SPG11: variants seen among roughly 807,000 people sequenced by gnomAD.
SPG11 encodes SPG11 vesicle trafficking associated, spatacsin.
A neutral mutation model predicts 274.0 loss-of-function variants in SPG11; 222 were observed. That is an observed-to-expected ratio of 0.81 (90% CI 0.73 to 0.91). The LOEUF (loss-of-function observed/expected upper bound fraction) is 0.91. SPG11 is among the 40% of genes least tolerant of loss of function. SPG11 has a pLI of 0.00. For synonymous variants in SPG11, 1,144 were observed against 1,039.7 expected (o/e 1.10, Z -1.93); for missense variants, 3,114 against 2,872.7 (o/e 1.08, Z -1.92).
chr15:44,611,681 CAA>C (rs568913367), intron 17 of SPG11, among the ~76,000 whole-genome samples: 58 of 151,688 alleles, frequency 3.8e-4, no homozygotes, highest in African/African-American at 1.4e-3. Context: ...GAAATATATT[CAA>C]GACTATTATT....
At chr15:44,586,859 T>C (rs957407142) in intron 28 of SPG11, among the ~76,000 whole-genome samples, 1 of 152,204 alleles carries the variant, frequency 6.6e-6, no homozygotes, top group Non-Finnish European at 1.5e-5. Flanking sequence ...GCAGGAATCA[T>C]GTGGATCAAG....
rs752605914 is a variant in SPG11 at position 44,585,842 on chromosome 15, C to T, written c.4915G>A (p.Val1639Met). Reference protein sequence around the residue: ...REHLFSDGPDVKKLCILCQIL... With the variant: ...REHLFSDGPDMKKLCILCQIL... ...TGGCAAAGGATGCAAAGCTTTTTCA[C>T]ATCTGGACCTGTGCCAAAGAGAAAA... is the stretch of plus-strand genomic sequence containing the variant. The change falls in exon 29 of 40, where the codon GTG becomes ATG. Residue 1639 changes from valine (V) to methionine (M), a missense_variant. Transcript: ENST00000261866. 5 of 1,613,912 alleles carry T rather than the reference C, an allele frequency of 3.1e-6. No homozygotes were observed. Among genetic ancestry groups the T allele is most frequent in the Non-Finnish European group, 4.2e-6 (5 of 1,179,896 alleles).
At chr15:44,597,945 ATCT>A (rs1343115541) in intron 23 of SPG11, among the ~76,000 whole-genome samples, 2 of 152,228 alleles carry the variant, frequency 1.3e-5, no homozygotes, top group South Asian at 2.1e-4. Flanking sequence ...CTGAACCCAC[ATCT>A]TCTGGCATTT....
chr15:44,653,688 G>C (rs1209944730), intron 4 of SPG11, among the ~76,000 whole-genome samples: 2 of 152,156 alleles, frequency 1.3e-5, no homozygotes, highest in Non-Finnish European at 2.9e-5. Context: ...GGTAGGACCT[G>C]ATGATTAACT....
At chr15:44,648,720 A>G in intron 7 of SPG11, 146 bp downstream of exon 7, 1 of 907,744 alleles carries the variant, frequency 1.1e-6, no homozygotes, top group Non-Finnish European at 1.7e-6. Context: ...TAGGGTAATG[A>G]AACAGCCAGA....
chr15:44,636,593 C>T (rs1013468676), intron 7 of SPG11, among the ~76,000 whole-genome samples: 2 of 151,686 alleles, frequency 1.3e-5, no homozygotes, highest in African/African-American at 2.4e-5. Context: ...ACCTGGGCGG[C>T]GGAGCTTGCA....
chr15:44,577,456 T>C (rs755956159), intron 30 of SPG11, among the ~76,000 whole-genome samples: 1 of 149,702 alleles, frequency 6.7e-6, no homozygotes, highest in Non-Finnish European at 1.5e-5. Context: ...TGAGCCATGT[T>C]TGCACCACTG....
At chr15:44,563,841 C>CTA (rs1316820639) in intron 39 of SPG11, among the ~76,000 whole-genome samples, 4 of 152,266 alleles carry the variant, frequency 2.6e-5, no homozygotes, top group East Asian at 3.9e-4. Flanking sequence ...GTACCACTTA[C>CTA]TATTACCTAT....
intron 15 of SPG11, among the ~76,000 whole-genome samples, chr15:44,619,593 C>G (rs2083682831): frequency 6.6e-6 from 1 of 152,194 alleles, no homozygotes; most frequent in Admixed American, 6.5e-5. Context: ...CAGCTCTTGT[C>G]ACTTGCTCCT....
Position 44,569,434 on chromosome 15 carries a change from G to C in SPG11, c.6549C>G (p.His2183Gln), listed in dbSNP as rs200943327. The change falls in exon 35 of 40, where the codon CAC (histidine) becomes CAG (glutamine). Residue 2183 changes from histidine to glutamine, a missense_variant. His to Gln is a conservative substitution (Grantham distance 24, BLOSUM62 0). Transcript: ENST00000261866. ...TYIFDLLHKK[H>Q]YFEVLMRKKL... Reference sequence around the variant, plus strand: ...TCTTCCTCATTAGCACTTCAAAGTAGTGCTTTTTATGCAGCAAATCAAATA... The same window carrying C: ...TCTTCCTCATTAGCACTTCAAAGTACTGCTTTTTATGCAGCAAATCAAATA... The C allele has an allele frequency of 1.2e-6, 2 of 1,607,080 alleles. No individual in the cohort carries two copies. The highest frequency in any genetic ancestry group is 1.1e-5 in the South Asian group (1 of 89,658).
intron 33 of SPG11, 68 bp downstream of exon 33, chr15:44,572,615 G>T: frequency 6.4e-7 from 1 of 1,564,922 alleles, no homozygotes. Context: ...TCAAGTTTTG[G>T]AGAGACTGGG....
At chr15:44,622,564 G>C in intron 12 of SPG11, 164 bp downstream of exon 12, 1 of 753,212 alleles carries the variant, frequency 1.3e-6, no homozygotes. Flanking sequence ...AGTCATTGAA[G>C]AAAGATGAAG....
chr15:44,589,625 A>C (rs569919889), intron 27 of SPG11, among the ~76,000 whole-genome samples: 33 of 152,296 alleles, frequency 2.2e-4, no homozygotes, highest in Admixed American at 5.2e-4. Flanking sequence ...AGCTTTGCAC[A>C]TTGTCTCTTT....
intron 30 of SPG11, among the ~76,000 whole-genome samples, chr15:44,576,792 T>C (rs12595838): frequency 0.041 from 6,190 of 152,152 alleles, 322 homozygotes; most frequent in East Asian, 0.19. Flanking sequence ...AAGTAAAAGA[T>C]AGTTATTCTG....
intron 32 of SPG11, 99 bp from the exon 33 acceptor site, chr15:44,572,919 A>C: frequency 2.5e-6 from 3 of 1,217,968 alleles, no homozygotes; most frequent in Non-Finnish European, 3.6e-6. Flanking sequence ...GGAGCTCTGC[A>C]GCTCTCCGCT....
At chr15:44,577,141 T>C (rs1166509682) in intron 30 of SPG11, among the ~76,000 whole-genome samples, 10 of 152,216 alleles carry the variant, frequency 6.6e-5, no homozygotes. Context: ...ACTGACTTTT[T>C]ACTTTATGCG....
intron 3 of SPG11, among the ~76,000 whole-genome samples, chr15:44,658,843 T>C (rs2085016556): frequency 6.6e-6 from 1 of 152,184 alleles, no homozygotes; most frequent in African/African-American, 2.4e-5. Context: ...AGAACACAGA[T>C]ATGTATGGTT....
intron 7 of SPG11, among the ~76,000 whole-genome samples, chr15:44,636,925 CAAAAAAAAAAAAAAAAAAAA>C (rs370928375): frequency 1.5e-4 from 3 of 19,454 alleles, no homozygotes; most frequent in Admixed American, 7.7e-4. Flanking sequence ...GACTCCATCT[CAAAAAAAAAAAAAAAAAAAA>C]AAAAAAAAAA....
intron 33 of SPG11, among the ~76,000 whole-genome samples, chr15:44,572,252 G>C (rs115366571): frequency 1.2e-4 from 19 of 152,236 alleles, no homozygotes; most frequent in African/African-American, 4.6e-4. Flanking sequence ...TTAAAAAAGA[G>C]AACTTATCAC....
Sources: gnomAD v4.1 joint callset for allele counts (sites outside exome capture counted in the v4.1 genomes callset) on GRCh38, gnomAD v4.1.1 for gene constraint, MANE v1.5 for transcripts, NCBI Gene and HGNC (gene_info 2026-07-23, HGNC 2026-07-21) for gene names.